The following VPS26C variants were observed in gnomAD, a reference collection of about 807,000 sequenced individuals.
VPS26C encodes the protein vacuolar protein sorting-associated protein 26C.
In VPS26C, 19 loss-of-function variants were observed where a neutral mutation model predicts 30.6. The ratio of observed to expected loss-of-function variants is 0.62; its 90% CI spans 0.43 to 0.91. The LOEUF is 0.91. Among genes scored for constraint, VPS26C ranks in the 40% least tolerant of loss-of-function variants. VPS26C has a pLI of 0.00. For synonymous variants in VPS26C, 132 were observed against 151.5 expected, an observed-to-expected ratio of 0.87 and a Z score of 0.95; for missense variants, 318 against 385.1, an observed-to-expected ratio of 0.83 and a Z score of 1.46.
intron 1 of VPS26C, among the ~76,000 whole-genome samples, chr21:37,255,389 G>T (rs1360304845): frequency 6.6e-6 from 1 of 152,170 alleles, no homozygotes; most frequent in Non-Finnish European, 1.5e-5. Context: ...ACGTAAATAA[G>T]ACACTGTCAT....
chr21:37,226,556 G>A lies in VPS26C; in HGVS notation c.812-930C>T, dbSNP rs562956189. 5.3e-4 allele frequency: 81 copies of A among 152,492 alleles called. No individual in the cohort carries two copies. The highest frequency in any genetic ancestry group is 1.9e-3 in the African/African-American group (80 of 41,586). 9.4% of individuals were successfully genotyped at this position (152,492 alleles called of 1,614,324 possible). A position where few individuals can be genotyped will look rare whatever the true frequency, so the allele number is the denominator to read the frequency against. ...TCCACCCCTCTTGTTGTGCCCCCCAGAAGGGTGGAGGGTGTGGCTGGAGTG... is the reference window on the plus strand; with the variant it reads ...TCCACCCCTCTTGTTGTGCCCCCCAAAAGGGTGGAGGGTGTGGCTGGAGTG... On this transcript the variant is annotated intron_variant, in intron 7 of 7. Transcript: ENST00000309117. This position sits in a 1 kb window ranked among gnomAD's most constrained non-coding sequence, Gnocchi z 4.1.
At chr21:37,266,636 G>A (rs1185637438) in intron 1 of VPS26C, among the ~76,000 whole-genome samples, 2 of 152,150 alleles carry the variant, frequency 1.3e-5, no homozygotes, top group African/African-American at 4.8e-5. Flanking sequence ...ACCTGTTAAT[G>A]GCATAGTCAA....
At chr21:37,227,447 T>G in intron 7 of VPS26C, 1 of 587,290 alleles carries the variant, frequency 1.7e-6, no homozygotes, top group South Asian at 2.2e-5. Context: ...CCTGTGGGTG[T>G]GTCCCCTGTG....
At chr21:37,248,374 T>C (rs2086158520) in intron 1 of VPS26C, among the ~76,000 whole-genome samples, 1 of 151,738 alleles carries the variant, frequency 6.6e-6, no homozygotes, top group Non-Finnish European at 1.5e-5. Context: ...AATTATTAAA[T>C]AATCTAATCA....
chr21:37,237,770 T>G (rs2086040255), intron 3 of VPS26C: 1 of 152,228 alleles, frequency 6.6e-6, no homozygotes, highest in Non-Finnish European at 1.5e-5. Flanking sequence ...TAAGGCCAAA[T>G]TATTGACCAA....
At chr21:37,225,817 C>T (rs919832575) in intron 7 of VPS26C, 191 bp from the exon 8 acceptor site, 5 of 592,774 alleles carry the variant, frequency 8.4e-6, no homozygotes, top group African/African-American at 7.4e-5. Context: ...ATGCTGATGT[C>T]TGACTACCTC....
At chr21:37,259,714 G>A (rs772800003) in intron 1 of VPS26C, among the ~76,000 whole-genome samples, 2 of 152,056 alleles carry the variant, frequency 1.3e-5, no homozygotes, top group African/African-American at 2.4e-5. Flanking sequence ...GGCCAAAATC[G>A]CCGTCACCTC....
Position 37,255,638 on chromosome 21 carries a change from G to C in VPS26C, c.57+11600C>G, listed in dbSNP as rs562780144. On this transcript the variant is annotated intron_variant, in intron 1 of 7. Transcript: ENST00000309117. The stretch of plus-strand genomic sequence containing the variant: ...TTGTCCTTCCCAGCTCAAGTTCCCA[G>C]GACAAGTAAGTAGGACAACAGTGAA... 3.3e-5 allele frequency among the ~76,000 whole-genome samples: 5 copies of C among 152,262 alleles called. No homozygotes were observed. In the East Asian group the frequency reaches 9.6e-4, roughly 29 times the overall value.
intron 4 of VPS26C, chr21:37,232,686 C>CT (rs1192075770): frequency 1.7e-6 from 1 of 585,098 alleles, no homozygotes; most frequent in Non-Finnish European, 3.0e-6. Context: ...TCCAACGTGC[C>CT]TTTCAGATTC....
In VPS26C at chr21:37,266,939, G is replaced by C. The variant is rs144891624; in HGVS notation, c.57+299C>G. The C allele has an allele frequency of 1.3e-3, 593 of 447,308 alleles. 3 individuals are homozygous for C. The highest frequency in any genetic ancestry group is 1.9e-3 in the Non-Finnish European group (495 of 258,726). 27.7% of individuals were successfully genotyped at this position (447,308 alleles called of 1,614,324 possible). On this transcript the variant is annotated intron_variant, in intron 1 of 7. Coordinates refer to ENST00000309117, the MANE Select transcript of VPS26C (RefSeq NM_006052.2). ...TCAAGCCTGAGAACCCAACACCGCC[G>C]GGTGTTCAAGGGGCCAGATGGGAAG... is the stretch of plus-strand genomic sequence containing the variant.
chr21:37,232,006 T>G, intron 5 of VPS26C: 4 of 219,624 alleles, frequency 1.8e-5, no homozygotes, highest in Non-Finnish European at 2.7e-5. Context: ...TAAACATCCA[T>G]GGAGGATGAC....
At chr21:37,253,559 T>C (rs971525367) in intron 1 of VPS26C, among the ~76,000 whole-genome samples, 1 of 152,140 alleles carries the variant, frequency 6.6e-6, no homozygotes, top group Non-Finnish European at 1.5e-5. Flanking sequence ...AAGGGAAAAA[T>C]ACTATTCATA....
chr21:37,257,432 G>T lies in VPS26C; in HGVS notation c.57+9806C>A, dbSNP rs912641006. 6.6e-6 allele frequency among the ~76,000 whole-genome samples: 1 copy of T among 152,216 alleles called. No homozygotes were observed. The highest frequency in any genetic ancestry group is 1.5e-5 in the Non-Finnish European group (1 of 68,042). On this transcript the variant is annotated intron_variant, in intron 1 of 7. Coordinates refer to ENST00000309117, the MANE Select transcript of VPS26C (RefSeq NM_006052.2). The surrounding 1 kb of genome is among the most constrained non-coding windows in gnomAD (Gnocchi z 4.2). ...GCTCTCGGGGAGGGGACGCAGGTCA[G>T]CCCACCTAGCCGATGGCTAACAAGT...
intron 1 of VPS26C, among the ~76,000 whole-genome samples, chr21:37,253,928 G>A (rs2086217608): frequency 6.6e-6 from 1 of 152,154 alleles, no homozygotes. Context: ...CTAGTCCCAA[G>A]CATTTCGGAT....
intron 6 of VPS26C, 78 bp from the exon 7 acceptor site, chr21:37,227,884 C>T (rs1343679980): frequency 6.4e-7 from 1 of 1,563,428 alleles, no homozygotes; most frequent in African/African-American, 1.3e-5. Context: ...CACCACCCAC[C>T]AGTCTGCTCC....
At chr21:37,236,554 C>T (rs913599078) in intron 3 of VPS26C, among the ~76,000 whole-genome samples, 4 of 152,042 alleles carry the variant, frequency 2.6e-5, no homozygotes, top group Admixed American at 6.5e-5. Flanking sequence ...TTTGGAGATG[C>T]GCAATGAGGT....
intron 3 of VPS26C, among the ~76,000 whole-genome samples, chr21:37,235,797 GAATAT>G (rs1016635331): frequency 2.0e-5 from 3 of 148,560 alleles, no homozygotes; most frequent in African/African-American, 7.4e-5. Context: ...TGGAAGTCAG[GAATAT>G]AATACTGGCA....
At chr21:37,235,151 C>A (rs1428824480) in intron 3 of VPS26C, among the ~76,000 whole-genome samples, 1 of 152,146 alleles carries the variant, frequency 6.6e-6, no homozygotes, top group Non-Finnish European at 1.5e-5. Context: ...AGATTACAGG[C>A]ATCCACCACC....
At chr21:37,234,442 C>A (rs1023420138) in intron 3 of VPS26C, among the ~76,000 whole-genome samples, 1 of 152,174 alleles carries the variant, frequency 6.6e-6, no homozygotes, top group Admixed American at 6.5e-5. Flanking sequence ...AGCCCCACTG[C>A]AGAGCTGGTA....
Sources: allele counts gnomAD v4.1 joint callset (sites outside exome capture counted in the v4.1 genomes callset), GRCh38; gene constraint gnomAD v4.1.1; non-coding constraint Gnocchi (gnomAD v3.1); transcripts MANE v1.5; gene names NCBI Gene and HGNC (gene_info 2026-07-23, HGNC 2026-07-21).